Variants in DLGAP2 observed in about 807,000 individuals in gnomAD.
DLGAP2 encodes the protein disks large-associated protein 2.
Under a neutral mutation model 100.3 loss-of-function variants are expected in DLGAP2, and 26 were observed. The observed-to-expected ratio is 0.26, with a 90% CI of 0.19 to 0.36. DLGAP2 has a LOEUF of 0.36. DLGAP2 is among the 10% of genes least tolerant of loss of function. DLGAP2 has a pLI of 1.00. For synonymous variants in DLGAP2, 886 were observed against 630.1 expected, an observed-to-expected ratio of 1.41 and a Z score of -6.08; for missense variants, 1,858 against 1,453.2, an observed-to-expected ratio of 1.28 and a Z score of -4.53.
chr8:1,452,486 G>A (rs1798190453), intron 3 of DLGAP2, among the ~76,000 whole-genome samples: 1 of 152,234 alleles, frequency 6.6e-6, no homozygotes. Flanking sequence ...GGTCATCTCA[G>A]GGCCGCTAGG....
At position 1,437,813 on chromosome 8, in the gene DLGAP2, CAAAAAAAAA is replaced by C. The variant is rs59165125; in HGVS notation, c.107-63538_107-63530del. Among the ~76,000 whole-genome samples the C allele has an allele frequency of 1.3e-4, 11 of 85,226 alleles. No individual in the cohort carries two copies. In the South Asian group the frequency reaches 1.6e-3, roughly 13 times the overall value. The allele number at this position is 85,226 out of a possible 152,430, so 55.9% of individuals were successfully genotyped here. On this transcript the variant is annotated intron_variant, in intron 3 of 14. Transcript: ENST00000637795. ...TGAAACCCCGTCTCTACTAAAAATA[CAAAAAAAAA>C]AAAAAAAAAAAAAATTAGCCGGGCG...
At chr8:910,202 G>T (rs1015959126) in intron 2 of DLGAP2, among the ~76,000 whole-genome samples, 1 of 152,200 alleles carries the variant, frequency 6.6e-6, no homozygotes. Context: ...ACCACAATTA[G>T]AAAGAAGATT....
At chr8:1,639,342 A>C (rs1797842940) in intron 8 of DLGAP2, among the ~76,000 whole-genome samples, 1 of 152,204 alleles carries the variant, frequency 6.6e-6, no homozygotes, top group Non-Finnish European at 1.5e-5. Context: ...ACACTGCCCC[A>C]GTTCACCACA....
intron 1 of DLGAP2, among the ~76,000 whole-genome samples, chr8:802,652 G>C (rs560454248): frequency 3.3e-5 from 5 of 152,258 alleles, no homozygotes; most frequent in African/African-American, 1.2e-4. Flanking sequence ...CGTCTCAGGG[G>C]TCTTTTAGAC....
chr8:1,172,609 C>G (rs991564459), intron 2 of DLGAP2, among the ~76,000 whole-genome samples: 17 of 152,082 alleles, frequency 1.1e-4, no homozygotes, highest in Admixed American at 7.9e-4. Flanking sequence ...CTCTAAACTT[C>G]CCTTCTCACT....
At chr8:890,201 C>T (rs1161507054) in intron 1 of DLGAP2, among the ~76,000 whole-genome samples, 2 of 152,134 alleles carry the variant, frequency 1.3e-5, no homozygotes, top group Non-Finnish European at 2.9e-5. Context: ...GCCATCTCGG[C>T]CAGAATAATC....
intron 6 of DLGAP2, among the ~76,000 whole-genome samples, chr8:1,592,002 C>A (rs985039580): frequency 3.3e-5 from 5 of 152,194 alleles, no homozygotes; most frequent in Admixed American, 2.0e-4. Context: ...GATCTAGCTT[C>A]ATGCCTCCTG....
chr8:1,314,279 C>G (rs921830132), intron 3 of DLGAP2, among the ~76,000 whole-genome samples: 10 of 152,080 alleles, frequency 6.6e-5, no homozygotes, highest in African/African-American at 2.2e-4. Context: ...GGTCACTGAC[C>G]CTTATAAAGT....
chr8:838,011 G>T (rs1384589141), intron 1 of DLGAP2, among the ~76,000 whole-genome samples: 2 of 151,752 alleles, frequency 1.3e-5, no homozygotes, highest in African/African-American at 4.8e-5. Context: ...ACAGGCGTGA[G>T]CCACTGTGCC....
chr8:768,942 A>G (rs1218320822), intron 1 of DLGAP2, among the ~76,000 whole-genome samples: 1 of 151,910 alleles, frequency 6.6e-6, no homozygotes, highest in African/African-American at 2.4e-5. Flanking sequence ...TCTGGTCTGA[A>G]CCTTGGGCGT....
chr8:1,527,008 C>T (rs147568493), intron 4 of DLGAP2, among the ~76,000 whole-genome samples: 247 of 152,234 alleles, frequency 1.6e-3, no homozygotes, highest in Middle Eastern at 3.4e-3. Flanking sequence ...ACCACGACTT[C>T]GCATCGTCTA....
chr8:1,207,182 C>T (rs571994649), intron 2 of DLGAP2, among the ~76,000 whole-genome samples: 13 of 152,290 alleles, frequency 8.5e-5, no homozygotes, highest in Admixed American at 1.3e-4. Flanking sequence ...TTTTAGTGCA[C>T]GCAAGCCATG....
intron 1 of DLGAP2, among the ~76,000 whole-genome samples, chr8:744,491 C>T (rs1200208215): frequency 1.3e-5 from 2 of 152,118 alleles, no homozygotes; most frequent in Non-Finnish European, 2.9e-5. Context: ...CTTCTCCGGC[C>T]ACGTCGCCCT....
chr8:1,275,623 A>T, intron 3 of DLGAP2, among the ~76,000 whole-genome samples: 1 of 149,656 alleles, frequency 6.7e-6, no homozygotes, highest in Admixed American at 6.8e-5. Flanking sequence ...AGAAGTTTAT[A>T]GGAAAAGGGT....
At chr8:1,668,220 A>C (rs192011208) in intron 8 of DLGAP2, 109 bp from the exon 9 acceptor site, 2 of 1,040,112 alleles carry the variant, frequency 1.9e-6, no homozygotes, top group African/African-American at 3.3e-5. Flanking sequence ...CTAGACGTCC[A>C]GGAACAGACT....
In DLGAP2 at chr8:1,295,221, A is replaced by G. The variant is rs186764679; in HGVS notation, c.106+36338A>G. ...AAGAGTGAGTGCCAACCAGACTGAA[A>G]GCAGGAACCTGAAAACCCCGAATCC... is the stretch of plus-strand genomic sequence containing the variant. On this transcript the variant is annotated intron_variant, in intron 3 of 14. Transcript: ENST00000637795. Among the ~76,000 whole-genome samples, 60 of 152,330 alleles carry G rather than the reference A, an allele frequency of 3.9e-4. No individual in the cohort carries two copies. The East Asian group carries it at 0.011, about 29-fold the overall frequency.
At chr8:1,673,223 C>T (rs1157908139) in intron 10 of DLGAP2, among the ~76,000 whole-genome samples, 3 of 152,248 alleles carry the variant, frequency 2.0e-5, no homozygotes, top group Non-Finnish European at 2.9e-5. Context: ...CCTACCCCCT[C>T]AGCCTTGCAG....
At chr8:1,647,070 C>CCATTG (rs910550867) in intron 8 of DLGAP2, among the ~76,000 whole-genome samples, 7 of 152,160 alleles carry the variant, frequency 4.6e-5, no homozygotes, top group African/African-American at 1.7e-4. Flanking sequence ...GAGGCCACCA[C>CCATTG]CATTGAAGGC....
intron 2 of DLGAP2, among the ~76,000 whole-genome samples, chr8:1,222,961 C>G (rs990762089): frequency 3.3e-5 from 5 of 152,118 alleles, no homozygotes. Flanking sequence ...TGTGGCAAGC[C>G]TTGGGGGACG....
Sources: allele counts gnomAD v4.1 joint callset (sites outside exome capture counted in the v4.1 genomes callset), GRCh38; gene constraint gnomAD v4.1.1; transcripts MANE v1.5; gene names NCBI Gene and HGNC (gene_info 2026-07-23, HGNC 2026-07-21).